Variants in CRYBG2 observed in about 807,000 individuals in gnomAD.
CRYBG2 encodes beta/gamma crystallin domain-containing protein 2.
Under a neutral mutation model 153.4 loss-of-function variants are expected in CRYBG2, and 106 were observed. The ratio of observed to expected loss-of-function variants is 0.69; its 90% CI spans 0.59 to 0.81. CRYBG2 has a LOEUF of 0.81. Ranked by LOEUF, CRYBG2 falls within the 30% of genes least tolerant of loss-of-function variation. The probability of loss-of-function intolerance (pLI) is 0.00; values close to 1 mark genes in which losing one functional copy is unlikely to be tolerated. For missense variants in CRYBG2, 1,996 were observed against 2,112.0 expected (o/e 0.95, Z 1.08); for synonymous variants, 851 against 877.8 (o/e 0.97, Z 0.54).
At chr1:26,327,948 C>T (rs142465331) in intron 17 of CRYBG2, among the ~76,000 whole-genome samples, 2 of 105,072 alleles carry the variant, frequency 1.9e-5, no homozygotes, top group African/African-American at 7.2e-5. Context: ...CTCTGTCACA[C>T]AAAAAAAAAA....
At chr1:26,341,327 C>T (rs538564693) in intron 5 of CRYBG2, among the ~76,000 whole-genome samples, 1 of 151,530 alleles carries the variant, frequency 6.6e-6, no homozygotes, top group South Asian at 2.1e-4. Flanking sequence ...GGCAACAGAG[C>T]GAGACTCTGT....
At chr1:26,340,266 G>A (rs952415833) in intron 5 of CRYBG2, among the ~76,000 whole-genome samples, 1 of 152,174 alleles carries the variant, frequency 6.6e-6, no homozygotes, top group Non-Finnish European at 1.5e-5. Context: ...ACTGTGCTAA[G>A]GTCATGTCCT....
chr1:26,339,240 C>A (rs1397665353), intron 6 of CRYBG2, 50 bp downstream of exon 6: 3 of 1,585,320 alleles, frequency 1.9e-6, no homozygotes, highest in Admixed American at 3.5e-5. Flanking sequence ...TCCCCAGCAC[C>A]CAGCACAGTG....
At chr1:26,338,797 G>A (rs1220377709) in intron 6 of CRYBG2, among the ~76,000 whole-genome samples, 3 of 152,134 alleles carry the variant, frequency 2.0e-5, no homozygotes, top group African/African-American at 4.8e-5. Context: ...TTCTCCCTGG[G>A]CCTCAGTTCT....
intron 5 of CRYBG2, among the ~76,000 whole-genome samples, chr1:26,342,386 AC>A (rs1454900355): frequency 1.3e-5 from 2 of 151,716 alleles, no homozygotes; most frequent in African/African-American, 2.4e-5. Flanking sequence ...TCTGCCCACT[AC>A]CCCATAAGAT....
At position 26,336,652 on chromosome 1, in the gene CRYBG2, C is replaced by G; in HGVS notation, c.3992G>C (p.Trp1331Ser). Residue 1331 changes from tryptophan to serine, a missense_variant, in exon 12 of 20, where the codon TGG becomes TCG. By Grantham distance (177) the Trp-to-Ser change is radical. Transcript: ENST00000308182. This position sits in a 1 kb window ranked among gnomAD's most constrained non-coding sequence, Gnocchi z 4.9. ...EKGVYRNCED[W>S]GAGNSTLASL... The stretch of plus-strand genomic sequence containing the variant: ...GGCGAGGGTGCTGTTGCCAGCGCCC[C>G]AGTCCTCGCAGTTACGATACACGCC... 1 of 1,552,242 alleles carries G rather than the reference C, an allele frequency of 6.4e-7. No homozygotes were observed. The highest frequency in any genetic ancestry group is 8.7e-7 in the Non-Finnish European group (1 of 1,147,544).
rs2073955456 is a variant in CRYBG2, at chr1:26,328,218, G to A, written c.4569C>T (p.Pro1523=). 6.4e-7 allele frequency: 1 copy of A among 1,564,370 alleles called. No individual in the cohort carries two copies. The highest frequency in any genetic ancestry group is 1.2e-5 in the South Asian group (1 of 84,990). ...CAGCCACGCTACCCACCTGCTTGAT[G>A]GGGTAGAGGGAGCCCACCCTCTGGG... is the stretch of plus-strand genomic sequence containing the variant. ...SGTQRVGSLY[P]IKQRRVYFRL... is the part of the protein sequence containing the mutation. The change falls in exon 17 of 20, where the codon CCC becomes CCT. Residue 1523 remains proline (P), a synonymous_variant. Transcript: ENST00000308182.
At chr1:26,337,187 A>G (rs2074071249) in intron 10 of CRYBG2, 66 bp downstream of exon 10, 1 of 1,600,032 alleles carries the variant, frequency 6.2e-7, no homozygotes, top group Middle Eastern at 1.7e-4. Context: ...TTCCCTCCAC[A>G]AACTGTACTG....
intron 18 of CRYBG2, 29 bp downstream of exon 18, chr1:26,324,123 T>C (rs760719959): frequency 6.2e-7 from 1 of 1,603,056 alleles, no homozygotes; most frequent in Non-Finnish European, 8.5e-7. Context: ...AGGGCCAGGG[T>C]GTCCCTGTGC....
intron 14 of CRYBG2, 108 bp from the exon 15 acceptor site, chr1:26,331,726 T>G: frequency 5.6e-6 from 8 of 1,426,548 alleles, no homozygotes; most frequent in Non-Finnish European, 5.8e-6. Context: ...TGATCCCCTG[T>G]CCCAGGGGAG....
Position 26,324,020 on chromosome 1 carries a change from C to T in CRYBG2, c.4737+132G>A, listed in dbSNP as rs913507906. 7.5e-6 allele frequency: 7 copies of T among 928,476 alleles called. No homozygotes were observed. In the Admixed American group the frequency reaches 1.4e-4, roughly 19 times the overall value. 57.5% of individuals were successfully genotyped at this position (928,476 alleles called of 1,614,324 possible). Reference sequence around the variant, plus strand: ...CGACTTGCCCAGGGGGAACAGTCTGCACTCTCCCTCTCCCCAGGGTCCTGG... The same window carrying T: ...CGACTTGCCCAGGGGGAACAGTCTGTACTCTCCCTCTCCCCAGGGTCCTGG... On this transcript the variant is annotated intron_variant, in intron 18 of 19. Coordinates refer to ENST00000308182, the MANE Select transcript of CRYBG2 (RefSeq NM_001039775.4).
rs368402676 is a variant in CRYBG2, at chr1:26,346,048, C to T, written c.610G>A (p.Gly204Ser). The change falls in exon 2 of 20, where the codon GGC becomes AGC. Residue 204 changes from glycine (G) to serine (S), a missense_variant. By Grantham distance (56) the Gly-to-Ser change is moderately conservative. Coordinates refer to ENST00000308182, the MANE Select transcript of CRYBG2 (RefSeq NM_001039775.4). This position sits in a 1 kb window ranked among gnomAD's most constrained non-coding sequence, Gnocchi z 4.9. ...TGACGGCCCCGTGGCAGGGCCTCGC[C>T]TGAGGACACTGGCCTCACAGTCACA... ...SSVTVRPVSS[G>S]EALPRGRQVS... 7.2e-5 allele frequency: 115 copies of T among 1,590,238 alleles called. No individual in the cohort carries two copies. The highest frequency in any genetic ancestry group is 4.8e-4 in the African/African-American group (36 of 74,858).
At position 26,345,321 on chromosome 1, in the gene CRYBG2, A is replaced by C; in HGVS notation, c.1337T>G (p.Phe446Cys). The change falls in exon 2 of 20, where the codon TTT becomes TGT. Residue 446 changes from phenylalanine to cysteine, a missense_variant. Phe to Cys is a radical substitution (Grantham distance 205). Transcript: ENST00000308182. ...LSAPSSPRNK[F>C]VQNSENVPVL... Reference sequence around the variant, plus strand: ...AGGGACATTTTCAGAGTTCTGAACAAACTTATTCCTTGGGGACGATGGAGC... The same window carrying C: ...AGGGACATTTTCAGAGTTCTGAACACACTTATTCCTTGGGGACGATGGAGC... 6.2e-7 allele frequency: 1 copy of C among 1,613,538 alleles called. No individual in the cohort carries two copies. Among genetic ancestry groups the C allele is most frequent in the Non-Finnish European group, 8.5e-7 (1 of 1,179,862 alleles).
intron 1 of CRYBG2, among the ~76,000 whole-genome samples, chr1:26,349,481 C>T (rs1427958587): frequency 1.3e-5 from 2 of 152,178 alleles, no homozygotes; most frequent in East Asian, 3.9e-4. Context: ...GTCTCACCCT[C>T]CGTCCTGGAG....
At chr1:26,324,836 C>A (rs1296645518) in intron 17 of CRYBG2, 1 of 152,238 alleles carries the variant, frequency 6.6e-6, no homozygotes, top group African/African-American at 2.4e-5. Context: ...GACTGTCAGA[C>A]ATCAGACATG....
Position 26,336,576 on chromosome 1 carries a change from G to C in CRYBG2, c.4038+30C>G, listed in dbSNP as rs924622423. Reference sequence around the variant, plus strand: ...CCGAACTCCAGGTCCCGCCACCGGGGAGGCCCCGCCCCCCGCGGCCGGCAC... The same window carrying C: ...CCGAACTCCAGGTCCCGCCACCGGGCAGGCCCCGCCCCCCGCGGCCGGCAC... On this transcript the variant is annotated intron_variant, in intron 12 of 19. Coordinates refer to ENST00000308182, the MANE Select transcript of CRYBG2 (RefSeq NM_001039775.4). The surrounding 1 kb of genome is among the most constrained non-coding windows in gnomAD (Gnocchi z 4.9). The C allele has an allele frequency of 1.9e-6, 3 of 1,542,406 alleles. No homozygotes were observed. Among genetic ancestry groups the C allele is most frequent in the Admixed American group, 2.0e-5 (1 of 49,554 alleles).
intron 14 of CRYBG2, among the ~76,000 whole-genome samples, chr1:26,335,632 G>A (rs2074045076): frequency 6.6e-6 from 1 of 152,188 alleles, no homozygotes. Context: ...CCTGGCCCAA[G>A]GACCTTATTT....
At position 26,336,906 on chromosome 1, in the gene CRYBG2, T is replaced by C. The variant is rs1346027340; in HGVS notation, c.3846A>G (p.Ala1282=). Residue 1282 remains alanine (A), a synonymous_variant, in exon 11 of 20, where the codon GCA becomes GCG. Transcript: ENST00000308182. This position sits in a 1 kb window ranked among gnomAD's most constrained non-coding sequence, Gnocchi z 4.9. ...GTTGCACCAGCTCCACATCCGGCAA[T>C]GCCTTGCTCACCTCCACGCCGTGCC... The part of the protein sequence containing the change: ...FEGHGVEVSK[A]LPDVELVQHG... 4 of 1,612,228 alleles carry C rather than the reference T, an allele frequency of 2.5e-6. No individual in the cohort carries two copies. In the African/African-American group the frequency reaches 4.0e-5, roughly 16 times the overall value.
At position 26,344,415 on chromosome 1, in the gene CRYBG2, C is replaced by G; in HGVS notation, c.2243G>C (p.Cys748Ser). 1 of 1,522,944 alleles carries G rather than the reference C, an allele frequency of 6.6e-7. No individual in the cohort carries two copies. The highest frequency in any genetic ancestry group is 8.8e-7 in the Non-Finnish European group (1 of 1,132,072). The allele number at this position is 1,522,944 out of a possible 1,614,324, so 94.3% of individuals were successfully genotyped here. A position where few individuals can be genotyped will look rare whatever the true frequency, so the allele number is the denominator to read the frequency against. ...LVSDPTEGKT[C>S]TETSREEDEV... ...ATCCTCCTCCCTTGATGTCTCTGTGCACGTCTTGCCCTCGGTGGGATCAGA... is the reference window on the plus strand; with the variant it reads ...ATCCTCCTCCCTTGATGTCTCTGTGGACGTCTTGCCCTCGGTGGGATCAGA... The change falls in exon 2 of 20, where the codon TGC becomes TCC. Residue 748 changes from cysteine (C) to serine (S), a missense_variant. Coordinates refer to ENST00000308182, the MANE Select transcript of CRYBG2 (RefSeq NM_001039775.4).
Sources: allele counts gnomAD v4.1 joint callset (sites outside exome capture counted in the v4.1 genomes callset), GRCh38; gene constraint gnomAD v4.1.1; non-coding constraint Gnocchi (gnomAD v3.1); transcripts MANE v1.5; gene names NCBI Gene and HGNC (gene_info 2026-07-23, HGNC 2026-07-21).